DCAF8L2: variants seen among roughly 807,000 people sequenced by gnomAD.
The protein encoded by DCAF8L2 is DDB1 and CUL4 associated factor 8 like 2, also known as DDB1- and CUL4-associated factor 8-like protein 2.
For synonymous variants in DCAF8L2, 200 were observed against 190.9 expected (o/e 1.05, Z -0.39); for missense variants, 430 against 490.7 (o/e 0.88, Z 1.17).
the DCAF8L2 span, among the ~76,000 whole-genome samples, chrX:27,577,444 A>T: frequency 3.6e-5 from 4 of 112,158 alleles, no homozygotes; most frequent in Non-Finnish European, 5.6e-5. Flanking sequence ...ATGTGGAGAC[A>T]AAATGCTAAC....
At chrX:27,547,845 T>TTCTCTCTCTCTCTCTCTCTCTCTTTCTC in the DCAF8L2 span, among the ~76,000 whole-genome samples, 2 of 46,289 alleles carry the variant, frequency 4.3e-5, no homozygotes, top group Non-Finnish European at 8.7e-5. Context: ...CTCTCTCTCT[T>TTCTCTCTCTCTCTCTCTCTCTCTTTCTC]TCTCTCTCTC....
chrX:27,694,265 T>C (rs1930815764), intron 3 of DCAF8L2, among the ~76,000 whole-genome samples: 1 of 111,360 alleles, frequency 9.0e-6, no homozygotes, highest in African/African-American at 3.3e-5. Context: ...GCTCACTACC[T>C]GGGTGATAGT....
intron 2 of DCAF8L2, among the ~76,000 whole-genome samples, chrX:27,663,487 C>G (rs1459524859): frequency 9.0e-6 from 1 of 110,889 alleles, no homozygotes; most frequent in Non-Finnish European, 1.9e-5. Context: ...TGGTGATCTG[C>G]TATCAGTGAT....
intron 2 of DCAF8L2, among the ~76,000 whole-genome samples, chrX:27,645,708 T>G (rs1383372196): frequency 9.0e-6 from 1 of 111,662 alleles, no homozygotes; most frequent in African/African-American, 3.3e-5. Flanking sequence ...GATGGGCAAC[T>G]TCAGCAAAAT....
the DCAF8L2 span, among the ~76,000 whole-genome samples, chrX:27,506,255 TTAAGA>T: frequency 8.9e-6 from 1 of 111,952 alleles, no homozygotes; most frequent in African/African-American, 3.2e-5. Flanking sequence ...CATACCCATG[TTAAGA>T]TATTTACAGA....
intron 2 of DCAF8L2, among the ~76,000 whole-genome samples, chrX:27,635,232 T>A (rs774537407): frequency 8.9e-6 from 1 of 111,734 alleles, no homozygotes; most frequent in East Asian, 2.8e-4. Context: ...ATACTTTTAC[T>A]TAGTCAACTG....
In DCAF8L2 at chrX:27,719,649, T is replaced by G. The variant is rs145376157; in HGVS notation, c.-59+3478T>G. 8.6e-3 allele frequency among the ~76,000 whole-genome samples: 947 copies of G among 110,529 alleles called. 8 individuals carry two copies. The highest frequency in any genetic ancestry group is 0.029 in the African/African-American group (882 of 30,338). On this transcript the variant is annotated intron_variant, in intron 4 of 4. Coordinates refer to ENST00000451261, the MANE Select transcript of DCAF8L2 (RefSeq NM_001353450.2). ...TAGTAGAGGTGGGATTTTGACATGTTGCTCAGGCTGGTCTCAAACTTCTGA... is the reference window on the plus strand; with the variant it reads ...TAGTAGAGGTGGGATTTTGACATGTGGCTCAGGCTGGTCTCAAACTTCTGA...
the DCAF8L2 span, among the ~76,000 whole-genome samples, chrX:27,475,121 T>C: frequency 5.4e-5 from 6 of 111,514 alleles, no homozygotes; most frequent in Non-Finnish European, 7.5e-5. Flanking sequence ...TTGATTTCAC[T>C]TATAGCTTGG....
chrX:27,547,820 GCTCTCTCTCTCTCTCTCTCTCTCTTT>G, the DCAF8L2 span, among the ~76,000 whole-genome samples: 4 of 66,653 alleles, frequency 6.0e-5, no homozygotes, highest in African/African-American at 1.1e-4. Context: ...TTCCCCATTT[GCTCTCTCTCTCTCTCTCTCTCTCTTT>G]CTCTCTCTCT....
chrX:27,738,766 T>C (rs181735572), intron 4 of DCAF8L2, among the ~76,000 whole-genome samples: 62 of 112,333 alleles, frequency 5.5e-4, no homozygotes, highest in African/African-American at 1.9e-3. Context: ...ATTCTCTGAG[T>C]TGGCACTTCC....
chrX:27,546,711 A>G, the DCAF8L2 span, among the ~76,000 whole-genome samples: 21 of 112,502 alleles, frequency 1.9e-4, no homozygotes, highest in East Asian at 6.0e-3. Context: ...CTCTGAAGCA[A>G]TGGCCTGAGC....
chrX:27,676,800 A>G (rs1216149094), intron 2 of DCAF8L2: 1 of 111,662 alleles, frequency 9.0e-6, no homozygotes, highest in Non-Finnish European at 1.9e-5. Flanking sequence ...ATTTTTCTCT[A>G]TTTCAACAAA....
chrX:27,498,329 C>T, the DCAF8L2 span, among the ~76,000 whole-genome samples: 3 of 112,196 alleles, frequency 2.7e-5, no homozygotes, highest in African/African-American at 9.7e-5. Flanking sequence ...CACATCCTCA[C>T]CAACAATTAT....
intron 1 of DCAF8L2, among the ~76,000 whole-genome samples, chrX:27,608,633 T>A (rs1344398080): frequency 2.7e-5 from 3 of 111,453 alleles, no homozygotes; most frequent in Admixed American, 9.6e-5. Context: ...AGGCATGTAG[T>A]TGATCCTCTT....
chrX:27,705,192 T>G (rs1306179150), intron 3 of DCAF8L2, among the ~76,000 whole-genome samples: 2 of 111,425 alleles, frequency 1.8e-5, no homozygotes. Context: ...ATTCTCTTTA[T>G]CCAATCTACC....
chrX:27,481,148 C>A, the DCAF8L2 span, among the ~76,000 whole-genome samples: 192 of 110,770 alleles, frequency 1.7e-3, no homozygotes, highest in Middle Eastern at 4.7e-3. Flanking sequence ...GAGGCCAAGG[C>A]GGGCGGATCA....
intron 3 of DCAF8L2, among the ~76,000 whole-genome samples, chrX:27,682,697 A>T (rs1023780288): frequency 9.0e-6 from 1 of 110,879 alleles, no homozygotes; most frequent in Non-Finnish European, 1.9e-5. Flanking sequence ...ATGTTGGCAA[A>T]ATGAGTATTT....
At position 27,747,131 on chromosome X, in the gene DCAF8L2, G is replaced by C. The variant is rs760812430; in HGVS notation, c.236G>C (p.Ser79Thr). 4.6e-5 allele frequency: 54 copies of C among 1,165,962 alleles called. No homozygotes were observed. In the South Asian group the frequency reaches 7.8e-4, roughly 17 times the overall value. ...CGAAGCTCAGACCAAGAAAGCGCAA[G>C]TGAAGACATCGAACTTGAGAGCTTG... ...ENRSSDQESA[S>T]EDIELESLED... The change falls in exon 5 of 5, where the codon AGT becomes ACT. Residue 79 changes from serine (S) to threonine (T), a missense_variant. Physicochemically the swap from Ser to Thr is moderately conservative, Grantham distance 58 (BLOSUM62 1). Coordinates refer to ENST00000451261, the MANE Select transcript of DCAF8L2 (RefSeq NM_001353450.2).
chrX:27,615,524 A>ATCTATCT (rs1555919235), intron 1 of DCAF8L2, among the ~76,000 whole-genome samples: 3 of 104,430 alleles, frequency 2.9e-5, no homozygotes, highest in African/African-American at 1.1e-4. Context: ...AGATTCTATC[A>ATCTATCT]ATCTATCTAT....
Sources: gnomAD v4.1 joint callset for allele counts (sites outside exome capture counted in the v4.1 genomes callset) on GRCh38, gnomAD v4.1.1 for gene constraint, MANE v1.5 for transcripts, NCBI Gene and HGNC (gene_info 2026-07-23, HGNC 2026-07-21) for gene names.